The following FER1L5 variants were observed in gnomAD, a reference collection of about 807,000 sequenced individuals.
FER1L5 encodes fer-1-like protein 5.
A neutral mutation model predicts 279.9 loss-of-function variants in FER1L5; 187 were observed. The ratio of observed to expected loss-of-function variants is 0.67; its 90% CI spans 0.59 to 0.75. FER1L5 has a LOEUF of 0.75. Among genes scored for constraint, FER1L5 ranks in the 30% least tolerant of loss-of-function variants. FER1L5 has a pLI of 0.00. For missense variants in FER1L5, 2,091 were observed against 2,594.4 expected (o/e 0.81, Z 4.21); for synonymous variants, 921 against 989.7 (o/e 0.93, Z 1.30).
At chr2:96,685,807 T>A in intron 21 of FER1L5, 133 bp from the exon 22 acceptor site, 1 of 1,174,336 alleles carries the variant, frequency 8.5e-7, no homozygotes, top group Non-Finnish European at 1.2e-6. Context: ...GAAGGGCTCC[T>A]GGGCCAGGCT....
intron 9 of FER1L5, 32 bp from the exon 10 acceptor site, chr2:96,660,309 A>G: frequency 6.4e-7 from 1 of 1,551,608 alleles, no homozygotes; most frequent in South Asian, 1.2e-5. Flanking sequence ...TGCAGGCCCT[A>G]ACTAATCCTC....
Position 96,689,326 on chromosome 2 carries a change from A to G in FER1L5, c.2475A>G (p.Pro825=), listed in dbSNP as rs1191669043. The G allele has an allele frequency of 7.1e-6, 11 of 1,549,706 alleles. No homozygotes were observed. Among genetic ancestry groups the G allele is most frequent in the African/African-American group, 1.4e-5 (1 of 72,774 alleles). ...NKTLPMTDFQ[P]PLGWHWQDSW... ...CCCTCCCCATGACGGATTTCCAACCACCCCTGGGATGGCACTGGCAGGACA... is the reference window on the plus strand; with the variant it reads ...CCCTCCCCATGACGGATTTCCAACCGCCCCTGGGATGGCACTGGCAGGACA... Residue 825 remains proline (P), a synonymous_variant, in exon 25 of 53, where the codon CCA becomes CCG. Transcript: ENST00000624922. The surrounding 1 kb of genome is among the most constrained non-coding windows in gnomAD (Gnocchi z 4.6).
rs1218913265 is a variant in FER1L5 at position 96,694,377 on chromosome 2, G to A, written c.3654G>A (p.Gln1218=). ...ILQTEKLGEK[Q]LPILSVPWKN... is the part of the protein sequence containing the mutation. ...TCCCCCAGAAGCTTGGAGAGAAGCA[G>A]CTGCCTATCTTAAGCGTTCCCTGGA... Residue 1218 remains glutamine (Q), a synonymous_variant, in exon 34 of 53, where the codon CAG becomes CAA. Coordinates refer to ENST00000624922, the MANE Select transcript of FER1L5 (RefSeq NM_001293083.2). This position sits in a 1 kb window ranked among gnomAD's most constrained non-coding sequence, Gnocchi z 4.6. 1 of 1,550,028 alleles carries A rather than the reference G, an allele frequency of 6.5e-7. No individual in the cohort carries two copies. The highest frequency in any genetic ancestry group is 1.2e-5 in the South Asian group (1 of 83,668).
intron 19 of FER1L5, among the ~76,000 whole-genome samples, chr2:96,680,765 G>GC (rs2076691099): frequency 6.6e-6 from 1 of 152,208 alleles, no homozygotes; most frequent in Admixed American, 6.5e-5. Context: ...AAGCAAACAT[G>GC]CCCTTGTAAT....
chr2:96,651,734 T>G (rs1261173639), intron 6 of FER1L5, among the ~76,000 whole-genome samples, 158 bp from the exon 7 acceptor site: 2 of 152,142 alleles, frequency 1.3e-5, no homozygotes, highest in Non-Finnish European at 2.9e-5. Flanking sequence ...CTCGAACTCC[T>G]GGGCTCAAGC....
chr2:96,647,021 G>A (rs1315123046), intron 2 of FER1L5, 43 bp from the exon 3 acceptor site: 1 of 1,534,628 alleles, frequency 6.5e-7, no homozygotes, highest in Non-Finnish European at 8.8e-7. Context: ...CATGGGATGG[G>A]AAGGGCAGAG....
In FER1L5 at chr2:96,691,419, C is replaced by T; in HGVS notation, c.2908-26C>T. ...GGCCGCCTTGGCTGCTGCAGGAACA[C>T]AACCCTGCTCTCCTCCCCACCACAG... On this transcript the variant is annotated intron_variant, in intron 28 of 52. Transcript: ENST00000624922. The surrounding 1 kb of genome is among the most constrained non-coding windows in gnomAD (Gnocchi z 6.0). 2.6e-6 allele frequency: 4 copies of T among 1,533,288 alleles called. No homozygotes were observed. The highest frequency in any genetic ancestry group is 3.5e-6 in the Non-Finnish European group (4 of 1,135,882). The allele number at this position is 1,533,288 out of a possible 1,614,324, so 95.0% of individuals were successfully genotyped here.
Position 96,704,783 on chromosome 2 carries a change from T to G in FER1L5, c.*91T>G, listed in dbSNP as rs369796429. The G allele has an allele frequency of 2.3e-5, 22 of 940,164 alleles. No individual in the cohort carries two copies. The African/African-American group carries it at 3.1e-4, about 13-fold the overall frequency. 58.2% of individuals were successfully genotyped at this position (940,164 alleles called of 1,614,324 possible). On this transcript the variant is annotated 3_prime_UTR_variant, in exon 53 of 53. Coordinates refer to ENST00000624922, the MANE Select transcript of FER1L5 (RefSeq NM_001293083.2). The stretch of plus-strand genomic sequence containing the variant: ...CTTTGTTTCTATCTTCTAGAATATA[T>G]GCAAGATGCTAGGAATATTCTGGCT...
chr2:96,698,173 G>C lies in FER1L5; in HGVS notation c.4356+17G>C, dbSNP rs2077453836. 1 of 1,551,036 alleles carries C rather than the reference G, an allele frequency of 6.4e-7. No individual in the cohort carries two copies. The highest frequency in any genetic ancestry group is 1.2e-5 in the South Asian group (1 of 83,840). On this transcript the variant is annotated intron_variant, in intron 40 of 52. Transcript: ENST00000624922. The surrounding 1 kb of genome is among the most constrained non-coding windows in gnomAD (Gnocchi z 5.5). ...GAGTTCAAGGTGTGTGTCCACCCCA[G>C]CTTAGCTGCCCCTGTCTCCTTGTGC...
rs1438344612 is a variant in FER1L5, at chr2:96,649,355, G to GCAT, written c.340-266_340-264dup. 2.6e-5 allele frequency among the ~76,000 whole-genome samples: 4 copies of GCAT among 152,214 alleles called. No individual in the cohort carries two copies. In the East Asian group the frequency reaches 7.7e-4, roughly 29 times the overall value. ...CTCTCCCTCTCCTCCCCACCCTCCT[G>GCAT]CATCCTTTTCTGCCACCATCACCAC... On this transcript the variant is annotated intron_variant, in intron 4 of 52. Transcript: ENST00000624922.
Position 96,698,573 on chromosome 2 carries a change from CCT to C in FER1L5, c.4357-90_4357-89del, listed in dbSNP as rs1573966441. On this transcript the variant is annotated intron_variant, in intron 40 of 52. Coordinates refer to ENST00000624922, the MANE Select transcript of FER1L5 (RefSeq NM_001293083.2). The surrounding 1 kb of genome is among the most constrained non-coding windows in gnomAD (Gnocchi z 5.5). ...CTATCCCTGCCACCCTCAGCCCAAC[CCT>C]CTCTCTCCTGAACATGGGCTGGGGC... 2 of 1,056,430 alleles carry C rather than the reference CCT, an allele frequency of 1.9e-6. No homozygotes were observed. Among genetic ancestry groups the C allele is most frequent in the Non-Finnish European group, 1.4e-6 (1 of 724,542 alleles). The allele number at this position is 1,056,430 out of a possible 1,614,324, so 65.4% of individuals were successfully genotyped here. A position where few individuals can be genotyped will look rare whatever the true frequency, so the allele number is the denominator to read the frequency against.
At position 96,695,615 on chromosome 2, in the gene FER1L5, C is replaced by T. The variant is rs1446614231; in HGVS notation, c.3848C>T (p.Thr1283Ile). Residue 1283 changes from threonine (T) to isoleucine (I), a missense_variant, in exon 35 of 53, where the codon ACC becomes ATC. Thr to Ile is a moderately conservative substitution (Grantham distance 89). Coordinates refer to ENST00000624922, the MANE Select transcript of FER1L5 (RefSeq NM_001293083.2). ...LRTEPIRDFQ[T>I]NPNFPESESV... ...ACAGAACCCATCAGGGACTTTCAGA[C>T]CAACCCCAACTTCCCCGAGTCTGAG... 4.4e-6 allele frequency: 7 copies of T among 1,604,166 alleles called. No individual in the cohort carries two copies. Among genetic ancestry groups the T allele is most frequent in the Non-Finnish European group, 6.0e-6 (7 of 1,175,420 alleles).
At chr2:96,651,831 A>G in intron 6 of FER1L5, 61 bp from the exon 7 acceptor site, 1 of 1,549,894 alleles carries the variant, frequency 6.5e-7, no homozygotes, top group South Asian at 1.2e-5. Context: ...TCTTATCAGA[A>G]CAATGTTGTC....
Position 96,686,085 on chromosome 2 carries a change from T to G in FER1L5, c.2041T>G (p.Trp681Gly). Residue 681 changes from tryptophan (W) to glycine (G), a missense_variant, in exon 22 of 53, where the codon TGG (tryptophan) becomes GGG (glycine). Coordinates refer to ENST00000624922, the MANE Select transcript of FER1L5 (RefSeq NM_001293083.2). ...GGACATGGTGGCCACAGCGGAGGAC[T>G]GGCTGTACCGCCTCAACACCGTGCT... ...PKDMVATAED[W>G]LYRLNTVLPE... The G allele has an allele frequency of 6.4e-7, 1 of 1,551,488 alleles. No individual in the cohort carries two copies. The highest frequency in any genetic ancestry group is 8.7e-7 in the Non-Finnish European group (1 of 1,146,900).
chr2:96,672,577 A>G (rs775302913), intron 18 of FER1L5, among the ~76,000 whole-genome samples: 3 of 152,068 alleles, frequency 2.0e-5, no homozygotes, highest in Non-Finnish European at 4.4e-5. Context: ...CCAAGAAAGC[A>G]CTTGGTGAGA....
intron 45 of FER1L5, among the ~76,000 whole-genome samples, chr2:96,700,971 A>G (rs2077568010): frequency 6.6e-6 from 1 of 152,230 alleles, no homozygotes; most frequent in Admixed American, 6.5e-5. Context: ...TCTCAAGCTC[A>G]TACCACATTC....
intron 31 of FER1L5, among the ~76,000 whole-genome samples, chr2:96,692,808 C>A (rs911138935): frequency 6.6e-6 from 1 of 152,052 alleles, no homozygotes; most frequent in African/African-American, 2.4e-5. Flanking sequence ...GAGCTGTGTC[C>A]CTTGGGCTTC....
At chr2:96,662,091 A>G in intron 12 of FER1L5, 124 bp from the exon 13 acceptor site, 1 of 953,254 alleles carries the variant, frequency 1.0e-6, no homozygotes, top group Admixed American at 2.1e-5. Context: ...AACTGGAGAC[A>G]GGTCTGCCCA....
chr2:96,689,540 G>C lies in FER1L5; in HGVS notation c.2526-104G>C, dbSNP rs1223080023. ...CCACCACCCTGTCCTGCCCAGAGCAGGTGGGGATGGGATGCCAGGTATGGG... is the reference window on the plus strand; with the variant it reads ...CCACCACCCTGTCCTGCCCAGAGCACGTGGGGATGGGATGCCAGGTATGGG... On this transcript the variant is annotated intron_variant, in intron 25 of 52. Coordinates refer to ENST00000624922, the MANE Select transcript of FER1L5 (RefSeq NM_001293083.2). This position sits in a 1 kb window ranked among gnomAD's most constrained non-coding sequence, Gnocchi z 4.6. The C allele has an allele frequency of 7.0e-7, 1 of 1,426,558 alleles. No homozygotes were observed. Among genetic ancestry groups the C allele is most frequent in the Non-Finnish European group, 9.6e-7 (1 of 1,036,574 alleles). 88.4% of individuals were successfully genotyped at this position (1,426,558 alleles called of 1,614,324 possible).
Sources: allele counts gnomAD v4.1 joint callset (sites outside exome capture counted in the v4.1 genomes callset), GRCh38; gene constraint gnomAD v4.1.1; non-coding constraint Gnocchi (gnomAD v3.1); transcripts MANE v1.5; gene names NCBI Gene and HGNC (gene_info 2026-07-23, HGNC 2026-07-21).